Variants in KMT2C observed in about 807,000 individuals in gnomAD.
KMT2C encodes histone-lysine N-methyltransferase 2C.
Under a neutral mutation model 507.9 loss-of-function variants are expected in KMT2C, and 88 were observed. That is an observed-to-expected ratio of 0.17 (90% CI 0.15 to 0.21). The LOEUF (loss-of-function observed/expected upper bound fraction) is 0.21, where lower values mean the gene tolerates loss of function less well. KMT2C is among the 10% of genes least tolerant of loss of function. The pLI, the probability that KMT2C is intolerant of heterozygous loss-of-function variation, is 1.00. For synonymous variants in KMT2C, 2,049 were observed against 2,080.8 expected (o/e 0.98, Z 0.42); for missense variants, 4,954 against 5,957.8 (o/e 0.83, Z 5.55).
intron 37 of KMT2C, among the ~76,000 whole-genome samples, chr7:152,178,465 C>CT (rs535539301): frequency 3.7e-4 from 57 of 152,236 alleles, no homozygotes; most frequent in African/African-American, 1.3e-3. Context: ...GTACATGAGA[C>CT]TACAAAGGCA....
chr7:152,267,144 CT>C (rs1399047184), intron 7 of KMT2C, among the ~76,000 whole-genome samples: 5 of 152,226 alleles, frequency 3.3e-5, no homozygotes, highest in African/African-American at 1.2e-4. Flanking sequence ...GGATTTCATC[CT>C]TTTCCTTCTT....
At chr7:152,312,953 G>T (rs149205057) in intron 4 of KMT2C, among the ~76,000 whole-genome samples, 2 of 151,580 alleles carry the variant, frequency 1.3e-5, no homozygotes, top group East Asian at 3.9e-4. Flanking sequence ...CAATGACCAG[G>T]GTACTAAACA....
At chr7:152,260,267 C>G (rs1329460952) in intron 9 of KMT2C, among the ~76,000 whole-genome samples, 1 of 152,148 alleles carries the variant, frequency 6.6e-6, no homozygotes, top group Non-Finnish European at 1.5e-5. Flanking sequence ...AATTCTGTCA[C>G]TCTCAAAAGA....
intron 2 of KMT2C, among the ~76,000 whole-genome samples, chr7:152,335,808 C>T (rs908841099): frequency 6.6e-6 from 1 of 152,096 alleles, no homozygotes; most frequent in Non-Finnish European, 1.5e-5. Flanking sequence ...AAAAGTTAAA[C>T]GTTAATGTTA....
chr7:152,199,572 A>G, intron 26 of KMT2C, 113 bp from the exon 27 acceptor site: 1 of 557,214 alleles, frequency 1.8e-6, no homozygotes, highest in South Asian at 3.4e-5. Flanking sequence ...GTTTATATTT[A>G]ACAATATAGA....
chr7:152,408,442 G>A (rs1418934551), intron 1 of KMT2C, among the ~76,000 whole-genome samples: 1 of 152,184 alleles, frequency 6.6e-6, no homozygotes, highest in Non-Finnish European at 1.5e-5. Flanking sequence ...TCGTACTCAG[G>A]GTTCCCCCCA....
At chr7:152,361,652 A>G (rs2097198801) in intron 1 of KMT2C, among the ~76,000 whole-genome samples, 1 of 152,184 alleles carries the variant, frequency 6.6e-6, no homozygotes, top group Non-Finnish European at 1.5e-5. Flanking sequence ...AAATTTGATC[A>G]ATCCAACAGC....
At chr7:152,320,728 C>T (rs560363236) in intron 3 of KMT2C, among the ~76,000 whole-genome samples, 20 of 151,912 alleles carry the variant, frequency 1.3e-4, no homozygotes, top group Non-Finnish European at 2.2e-4. Context: ...TATTAATTAC[C>T]TGAGCATAAT....
chr7:152,306,896 T>C (rs997626558), intron 6 of KMT2C, among the ~76,000 whole-genome samples: 2 of 152,198 alleles, frequency 1.3e-5, no homozygotes, highest in South Asian at 2.1e-4. Context: ...TGGTGGCACA[T>C]GCCTATAATC....
At chr7:152,234,127 C>T (rs1332714522) in intron 16 of KMT2C, among the ~76,000 whole-genome samples, 1 of 152,094 alleles carries the variant, frequency 6.6e-6, no homozygotes, top group Non-Finnish European at 1.5e-5. Flanking sequence ...GTGGCTCACG[C>T]CTGTAATTCC....
chr7:152,159,172 C>G, intron 43 of KMT2C, 100 bp from the exon 44 acceptor site: 1 of 965,850 alleles, frequency 1.0e-6, no homozygotes, highest in Non-Finnish European at 1.6e-6. Flanking sequence ...TAACATGGCA[C>G]TAAAAGGTAT....
chr7:152,254,956 A>G (rs2095620767), intron 9 of KMT2C, among the ~76,000 whole-genome samples: 1 of 151,640 alleles, frequency 6.6e-6, no homozygotes, highest in Non-Finnish European at 1.5e-5. Context: ...AGAAAAATAA[A>G]TATTCAAGAA....
intron 1 of KMT2C, among the ~76,000 whole-genome samples, chr7:152,421,756 T>G (rs966111845): frequency 1.3e-5 from 2 of 152,078 alleles, no homozygotes; most frequent in East Asian, 1.9e-4. Flanking sequence ...TGGGAGGAAG[T>G]TGAGGATCCA....
intron 33 of KMT2C, 73 bp from the exon 34 acceptor site, chr7:152,185,704 T>G (rs888335752): frequency 9.3e-7 from 1 of 1,078,310 alleles, no homozygotes; most frequent in Non-Finnish European, 1.4e-6. Context: ...AGAATGTTGA[T>G]GAACTGCTGA....
chr7:152,146,782 A>G (rs1563138869), intron 52 of KMT2C, 47 bp from the exon 53 acceptor site: 1 of 1,549,252 alleles, frequency 6.5e-7, no homozygotes. Context: ...AGGATACAGT[A>G]TAAAAAACAA....
intron 1 of KMT2C, among the ~76,000 whole-genome samples, chr7:152,395,229 G>A (rs187359752): frequency 1.4e-3 from 219 of 152,154 alleles, no homozygotes; most frequent in Admixed American, 3.3e-3. Context: ...CTGTTGCACC[G>A]GCTGGAGTGC....
chr7:152,427,663 T>C lies in KMT2C; in HGVS notation c.161+7963A>G, dbSNP rs185552704. ...TATATTCTGATTTCCTTTCTTGTTT[T>C]TCCGGGTATAACTGGTCCCCTATCT... is the stretch of plus-strand genomic sequence containing the variant. On this transcript the variant is annotated intron_variant, in intron 1 of 58. Coordinates refer to ENST00000262189, the MANE Select transcript of KMT2C (RefSeq NM_170606.3). 2.2e-3 allele frequency among the ~76,000 whole-genome samples: 335 copies of C among 152,336 alleles called. 3 individuals carry two copies. The highest frequency in any genetic ancestry group is 0.01 in the Middle Eastern group (3 of 294).
intron 23 of KMT2C, among the ~76,000 whole-genome samples, chr7:152,209,545 C>A (rs1476652856): frequency 6.6e-6 from 1 of 150,480 alleles, no homozygotes; most frequent in Non-Finnish European, 1.5e-5. Flanking sequence ...TGAAACCCTA[C>A]TAAAAAACAC....
chr7:152,335,454 G>C (rs1323882195), intron 2 of KMT2C, among the ~76,000 whole-genome samples: 1 of 152,132 alleles, frequency 6.6e-6, no homozygotes, highest in African/African-American at 2.4e-5. Context: ...CCAACAATGA[G>C]CCAAATGGCC....
Sources: allele counts gnomAD v4.1 joint callset (sites outside exome capture counted in the v4.1 genomes callset), GRCh38; gene constraint gnomAD v4.1.1; transcripts MANE v1.5; gene names NCBI Gene and HGNC (gene_info 2026-07-23, HGNC 2026-07-21).